PHIP: variants seen among roughly 807,000 people sequenced by gnomAD.
PHIP encodes the protein PH-interacting protein.
A neutral mutation model predicts 236.8 loss-of-function variants in PHIP; 54 were observed. The ratio of observed to expected loss-of-function variants is 0.23; its 90% CI spans 0.18 to 0.29. PHIP has a LOEUF of 0.29. Among genes scored for constraint, PHIP ranks in the 10% least tolerant of loss-of-function variants. PHIP has a pLI of 1.00. For synonymous variants in PHIP, 756 were observed against 718.9 expected, an observed-to-expected ratio of 1.05 and a Z score of -0.83; for missense variants, 1,370 against 2,190.8, an observed-to-expected ratio of 0.63 and a Z score of 7.48.
rs148833536 is a variant in PHIP at position 78,972,566 on chromosome 6, G to T, written c.2890-1678C>A. Among the ~76,000 whole-genome samples, 479 of 152,272 alleles carry T rather than the reference G, an allele frequency of 3.1e-3. 3 individuals are homozygous for T. The highest frequency in any genetic ancestry group is 0.011 in the African/African-American group (453 of 41,570). On this transcript the variant is annotated intron_variant, in intron 24 of 39. Transcript: ENST00000275034. The stretch of plus-strand genomic sequence containing the variant: ...GAGCTGAGAGAAGAAGGCTTCAGAC[G>T]ATCAAATTACTCTGAGCTACAGGAG...
intron 20 of PHIP, among the ~76,000 whole-genome samples, chr6:78,990,589 A>G (rs1228157972): frequency 1.3e-5 from 2 of 152,226 alleles, no homozygotes; most frequent in Non-Finnish European, 2.9e-5. Context: ...AAGATTATGA[A>G]GAGCTAAAGA....
chr6:79,064,277 A>G (rs767953757), intron 4 of PHIP, among the ~76,000 whole-genome samples: 65 of 152,146 alleles, frequency 4.3e-4, no homozygotes, highest in Non-Finnish European at 7.9e-4. Flanking sequence ...ACATGTAAAC[A>G]TGCTCATTTT....
At chr6:79,054,225 T>C (rs568524892) in intron 6 of PHIP, among the ~76,000 whole-genome samples, 105 of 144,022 alleles carry the variant, frequency 7.3e-4, no homozygotes, top group African/African-American at 2.7e-3. Context: ...AGGGAGAAAA[T>C]AGTTAATAAA....
intron 16 of PHIP, 101 bp from the exon 17 acceptor site, chr6:79,002,225 GAAT>G (rs1770041453): frequency 2.9e-6 from 2 of 700,588 alleles, no homozygotes; most frequent in South Asian, 1.9e-5. Flanking sequence ...ACCTGAATAC[GAAT>G]AATGGTATTA....
chr6:78,978,129 T>C (rs1266005337), intron 24 of PHIP, among the ~76,000 whole-genome samples: 1 of 152,088 alleles, frequency 6.6e-6, no homozygotes, highest in African/African-American at 2.4e-5. Context: ...AATTAAATAG[T>C]ATTTCTTATT....
At chr6:79,059,945 A>C (rs939209245) in intron 6 of PHIP, among the ~76,000 whole-genome samples, 1 of 152,132 alleles carries the variant, frequency 6.6e-6, no homozygotes, top group African/African-American at 2.4e-5. Flanking sequence ...AGAGAGAGAT[A>C]GAAGACACCA....
intron 15 of PHIP, among the ~76,000 whole-genome samples, chr6:79,007,026 A>C (rs968210687): frequency 6.6e-6 from 1 of 152,088 alleles, no homozygotes; most frequent in Non-Finnish European, 1.5e-5. Context: ...GTGTTAAAAT[A>C]ATGACTCCCT....
At chr6:79,060,414 C>A (rs991182848) in intron 6 of PHIP, 64 bp downstream of exon 6, 1 of 1,114,588 alleles carries the variant, frequency 9.0e-7, no homozygotes, top group Non-Finnish European at 1.3e-6. Context: ...ACTAAAAAAC[C>A]TTTTCATTTT....
At chr6:79,017,422 G>T in intron 11 of PHIP, 36 bp from the exon 12 acceptor site, 1 of 1,586,374 alleles carries the variant, frequency 6.3e-7, no homozygotes, top group Non-Finnish European at 8.6e-7. Flanking sequence ...AGTGGGTGCT[G>T]AATATAAACT....
intron 24 of PHIP, among the ~76,000 whole-genome samples, chr6:78,977,748 A>G (rs1171100039): frequency 1.3e-5 from 2 of 152,190 alleles, no homozygotes; most frequent in African/African-American, 4.8e-5. Flanking sequence ...GTACTATATC[A>G]CAACAATGTG....
intron 19 of PHIP, among the ~76,000 whole-genome samples, chr6:78,994,517 C>T (rs1344980961): frequency 6.6e-6 from 1 of 152,166 alleles, no homozygotes; most frequent in South Asian, 2.1e-4. Flanking sequence ...GTGGATGTTG[C>T]GGTGAGCCGA....
chr6:78,965,732 G>T lies in PHIP; in HGVS notation c.3350C>A (p.Pro1117His). The change falls in exon 29 of 40, where the codon CCT becomes CAT. Residue 1117 changes from proline to histidine, a missense_variant. Pro to His is a moderately conservative substitution (Grantham distance 77, BLOSUM62 -2). Transcript: ENST00000275034. ...WDNGDTEKMS[P>H]WDMELIPNNA... ...ATTAGGTATAAGCTCCATATCCCAA[G>T]GACTCATCTTTTCTGTATCTCCATT... The T allele has an allele frequency of 6.3e-7, 1 of 1,575,400 alleles. No individual in the cohort carries two copies. Among genetic ancestry groups the T allele is most frequent in the Non-Finnish European group, 8.7e-7 (1 of 1,148,120 alleles).
Position 79,014,662 on chromosome 6 carries a change from G to T in PHIP, c.1524+420C>A, listed in dbSNP as rs181551259. On this transcript the variant is annotated intron_variant, in intron 15 of 39. Coordinates refer to ENST00000275034, the MANE Select transcript of PHIP (RefSeq NM_017934.7). ...AATTGATTAAAAGCAAGAAATGCTTGATTCTTTGGCCTTAATTTTAAAATC... is the reference window on the plus strand; with the variant it reads ...AATTGATTAAAAGCAAGAAATGCTTTATTCTTTGGCCTTAATTTTAAAATC... 6.3e-4 allele frequency among the ~76,000 whole-genome samples: 96 copies of T among 151,910 alleles called. 1 individual carries two copies. In the South Asian group the frequency reaches 8.1e-3, roughly 13 times the overall value.
Position 78,939,310 on chromosome 6 carries a change from T to C in PHIP, c.*1383A>G, listed in dbSNP as rs1238185188. 1 of 151,768 alleles carries C rather than the reference T, an allele frequency of 6.6e-6. No individual in the cohort carries two copies. Among genetic ancestry groups the C allele is most frequent in the African/African-American group, 2.4e-5 (1 of 41,428 alleles). 9.4% of individuals were successfully genotyped at this position (151,768 alleles called of 1,614,324 possible). The stretch of plus-strand genomic sequence containing the variant: ...TAGAATACAAGGCACAATCATTAAA[T>C]GGAGTTTTTCTTTAGGGTGTATATT... On this transcript the variant is annotated 3_prime_UTR_variant, in exon 40 of 40. Transcript: ENST00000275034.
At chr6:79,031,325 G>C (rs1771662900) in intron 7 of PHIP, among the ~76,000 whole-genome samples, 1 of 152,126 alleles carries the variant, frequency 6.6e-6, no homozygotes, top group South Asian at 2.1e-4. Flanking sequence ...ATCAAACTTA[G>C]CATAAGCTGG....
chr6:78,996,499 C>T (rs571561777), intron 19 of PHIP, among the ~76,000 whole-genome samples: 154 of 152,078 alleles, frequency 1.0e-3, no homozygotes, highest in Admixed American at 8.6e-3. Context: ...TATTTGACCC[C>T]TTTCAAACCT....
chr6:78,955,659 AT>A lies in PHIP; in HGVS notation c.3805del (p.Ile1269PhefsTer7). On this transcript the variant is annotated frameshift_variant, in exon 33 of 40. Coordinates refer to ENST00000275034, the MANE Select transcript of PHIP (RefSeq NM_017934.7). LOFTEE classifies it high-confidence loss of function. ...CTTCTTCATTGAATTATAAAGTGGA[AT>A]TATGTTATAACAAGTCTGATCCCTA... ...FIKDQTCYNI[I>X]PLYNSMKKKV... 9.2e-7 allele frequency: 1 copy of A among 1,084,542 alleles called. No individual in the cohort carries two copies. Among genetic ancestry groups the A allele is most frequent in the Non-Finnish European group, 1.4e-6 (1 of 715,214 alleles). 67.2% of individuals were successfully genotyped at this position (1,084,542 alleles called of 1,614,324 possible).
In PHIP at chr6:78,941,128, A is replaced by G. The variant is rs188746047; in HGVS notation, c.5031T>C (p.Asn1677=). The change falls in exon 40 of 40, where the codon AAT becomes AAC. Residue 1677 remains asparagine, a synonymous_variant. Transcript: ENST00000275034. The part of the protein sequence containing the change: ...QYAKPEDLEQ[N]NVHPIRDEVL... ...CTTCATCTCTGATGGGATGCACATT[A>G]TTTTGCTCTAAATCTTCTGGCTTTG... is the stretch of plus-strand genomic sequence containing the variant. 6.2e-7 allele frequency: 1 copy of G among 1,613,944 alleles called. No individual in the cohort carries two copies. The highest frequency in any genetic ancestry group is 1.3e-5 in the African/African-American group (1 of 75,014).
Position 78,965,697 on chromosome 6 carries a change from A to G in PHIP, c.3379+6T>C, listed in dbSNP as rs750398037. 17 of 1,495,214 alleles carry G rather than the reference A, an allele frequency of 1.1e-5. No homozygotes were observed. The Admixed American group carries it at 2.9e-4, about 26-fold the overall frequency. 92.6% of individuals were successfully genotyped at this position (1,495,214 alleles called of 1,614,324 possible). On this transcript the variant is annotated splice_donor_region_variant and intron_variant, in intron 29 of 39. Transcript: ENST00000275034. ...TGGAGAAACAAAAAGCCTAACACACACTTACCATTATTAGGTATAAGCTCC... is the reference window on the plus strand; with the variant it reads ...TGGAGAAACAAAAAGCCTAACACACGCTTACCATTATTAGGTATAAGCTCC...
Sources: gnomAD v4.1 joint callset for allele counts (sites outside exome capture counted in the v4.1 genomes callset) on GRCh38, gnomAD v4.1.1 for gene constraint, MANE v1.5 for transcripts, NCBI Gene and HGNC (gene_info 2026-07-23, HGNC 2026-07-21) for gene names.